Variants in RBFOX1 observed in about 807,000 individuals in gnomAD.
RBFOX1 encodes RNA binding protein fox-1 homolog 1.
RBFOX1 carries 8 observed loss-of-function variants against 57.7 expected under a neutral mutation model. That is an observed-to-expected ratio of 0.14 (90% confidence interval 0.08 to 0.25). The LOEUF is 0.25. Ranked by LOEUF, RBFOX1 falls within the 10% of genes least tolerant of loss-of-function variation. The pLI is 1.00. For missense variants in RBFOX1, 611 were observed against 548.5 expected, an observed-to-expected ratio of 1.11 and a Z score of -1.14; for synonymous variants, 326 against 222.4, an observed-to-expected ratio of 1.47 and a Z score of -4.15.
At chr16:5,983,120 T>A (rs2060206981) in intron 4 of RBFOX1, among the ~76,000 whole-genome samples, 1 of 152,168 alleles carries the variant, frequency 6.6e-6, no homozygotes. Context: ...GTCTCTCCAA[T>A]TAACTCCCTG....
At chr16:7,574,410 T>C (rs1365561674) in intron 5 of RBFOX1, among the ~76,000 whole-genome samples, 1 of 152,110 alleles carries the variant, frequency 6.6e-6, no homozygotes, top group Non-Finnish European at 1.5e-5. Context: ...CAATAGGCCC[T>C]CTGTAAGCTG....
intron 5 of RBFOX1, among the ~76,000 whole-genome samples, chr16:7,558,337 AAGTG>A (rs1314776502): frequency 6.6e-6 from 1 of 152,012 alleles, no homozygotes; most frequent in Non-Finnish European, 1.5e-5. Flanking sequence ...CTTTGTGACA[AAGTG>A]AGGCTCTGTC....
At chr16:7,634,972 A>G (rs1359843074) in intron 11 of RBFOX1, among the ~76,000 whole-genome samples, 2 of 152,212 alleles carry the variant, frequency 1.3e-5, no homozygotes. Flanking sequence ...ACCCCTTAAC[A>G]GAAAGGTTTA....
chr16:5,764,712 A>T (rs1198600466), intron 3 of RBFOX1, among the ~76,000 whole-genome samples: 1 of 152,188 alleles, frequency 6.6e-6, no homozygotes, highest in Non-Finnish European at 1.5e-5. Context: ...ATTTTGGTCA[A>T]AACATAACCT....
chr16:5,935,874 T>G (rs7206614), intron 4 of RBFOX1, among the ~76,000 whole-genome samples: 1,688 of 152,202 alleles, frequency 0.011, 37 homozygotes, highest in African/African-American at 0.039. Flanking sequence ...TCCTGGTTGT[T>G]GGCTGAATTC....
At chr16:6,763,735 C>T (rs2076951223) in intron 3 of RBFOX1, among the ~76,000 whole-genome samples, 1 of 152,214 alleles carries the variant, frequency 6.6e-6, no homozygotes, top group African/African-American at 2.4e-5. Flanking sequence ...GCACGTTTAT[C>T]ATTCCAAAAC....
At chr16:5,883,738 A>T (rs7205412) in intron 4 of RBFOX1, among the ~76,000 whole-genome samples, 27,222 of 151,826 alleles carry the variant, frequency 0.18, 2,716 homozygotes, top group Non-Finnish European at 0.22. Context: ...TGATTTTTTT[A>T]AAAAAAATCA....
chr16:5,414,794 G>C (rs1215445652), intron 1 of RBFOX1, among the ~76,000 whole-genome samples: 1 of 152,146 alleles, frequency 6.6e-6, no homozygotes, highest in Non-Finnish European at 1.5e-5. Context: ...GACATAACGT[G>C]ACATATAGAG....
intron 1 of RBFOX1, among the ~76,000 whole-genome samples, chr16:5,282,730 G>T (rs1403903210): frequency 1.3e-5 from 2 of 152,192 alleles, no homozygotes; most frequent in African/African-American, 4.8e-5. Context: ...CATGACTTGG[G>T]TGCTGTTAAA....
At chr16:5,278,431 C>G (rs1475897362) in intron 1 of RBFOX1, among the ~76,000 whole-genome samples, 1 of 152,124 alleles carries the variant, frequency 6.6e-6, no homozygotes, top group Non-Finnish European at 1.5e-5. Flanking sequence ...AACTCTTTGC[C>G]CATCACTATG....
At chr16:6,750,533 A>C (rs955946727) in intron 3 of RBFOX1, among the ~76,000 whole-genome samples, 1 of 152,250 alleles carries the variant, frequency 6.6e-6, no homozygotes, top group African/African-American at 2.4e-5. Flanking sequence ...TATCAGAGAT[A>C]GAAGAATGTT....
chr16:6,954,010 C>G (rs555093138), intron 3 of RBFOX1, among the ~76,000 whole-genome samples: 49 of 152,246 alleles, frequency 3.2e-4, no homozygotes, highest in African/African-American at 9.9e-4. Context: ...CATGTCAAGA[C>G]AAGGTATTGA....
chr16:7,020,940 A>G (rs2038831889), intron 3 of RBFOX1, among the ~76,000 whole-genome samples: 2 of 152,182 alleles, frequency 1.3e-5, no homozygotes, highest in South Asian at 4.1e-4. Context: ...CAGCATGGCC[A>G]ACATGGTGAA....
At chr16:6,805,049 G>T (rs978726844) in intron 3 of RBFOX1, among the ~76,000 whole-genome samples, 1 of 152,110 alleles carries the variant, frequency 6.6e-6, no homozygotes, top group Non-Finnish European at 1.5e-5. Context: ...GGGTTTATAT[G>T]CAGAGGAATA....
At chr16:5,976,069 G>C (rs1435753728) in intron 4 of RBFOX1, among the ~76,000 whole-genome samples, 2 of 152,032 alleles carry the variant, frequency 1.3e-5, no homozygotes, top group African/African-American at 2.4e-5. Context: ...GCTTGAACCT[G>C]GGAGGCGGAG....
chr16:7,575,260 A>G (rs7190708), intron 5 of RBFOX1, among the ~76,000 whole-genome samples: 63,804 of 151,584 alleles, frequency 0.42, 13,804 homozygotes, highest in East Asian at 0.53. Context: ...TCACCCTCCC[A>G]AGTAGCTGGG....
At chr16:6,547,254 C>T (rs181212871) in intron 2 of RBFOX1, among the ~76,000 whole-genome samples, 1 of 152,286 alleles carries the variant, frequency 6.6e-6, no homozygotes, top group African/African-American at 2.4e-5. Context: ...CCTCCTCTTT[C>T]TTCCTGGGAA....
At chr16:7,100,973 A>G (rs549269037) in intron 4 of RBFOX1, among the ~76,000 whole-genome samples, 1 of 152,188 alleles carries the variant, frequency 6.6e-6, no homozygotes, top group Non-Finnish European at 1.5e-5. Context: ...ATCAAGGATT[A>G]TTTTTTGAGG....
intron 4 of RBFOX1, among the ~76,000 whole-genome samples, chr16:7,065,060 A>G (rs1050031037): frequency 2.0e-5 from 3 of 152,232 alleles, no homozygotes; most frequent in South Asian, 2.1e-4. Context: ...ACAGATGAGT[A>G]TGTGAGTCAC....
Sources: allele counts gnomAD v4.1 joint callset (sites outside exome capture counted in the v4.1 genomes callset), GRCh38; gene constraint gnomAD v4.1.1; transcripts MANE v1.5; gene names NCBI Gene and HGNC (gene_info 2026-07-23, HGNC 2026-07-21).